The following EPC2 variants were observed in gnomAD, a reference collection of about 807,000 sequenced individuals.
The protein encoded by EPC2 is enhancer of polycomb homolog 2.
EPC2 carries 14 observed loss-of-function variants against 92.1 expected under a neutral mutation model. That is an observed-to-expected ratio of 0.15 (90% CI 0.10 to 0.24). EPC2 has a LOEUF of 0.24. Ranked by LOEUF, EPC2 falls within the 10% of genes least tolerant of loss-of-function variation. EPC2 has a pLI of 1.00. For missense variants in EPC2, 755 were observed against 971.5 expected (o/e 0.78, Z 2.96); for synonymous variants, 340 against 334.7 (o/e 1.02, Z -0.17).
intron 2 of EPC2, among the ~76,000 whole-genome samples, chr2:148,733,457 T>C (rs1682685620): frequency 6.7e-6 from 1 of 148,746 alleles, no homozygotes; most frequent in Non-Finnish European, 1.5e-5. Flanking sequence ...TTATTACCTT[T>C]CTCTTTTCTT....
intron 2 of EPC2, among the ~76,000 whole-genome samples, chr2:148,717,198 T>G (rs1682279097): frequency 6.8e-6 from 1 of 147,140 alleles, no homozygotes; most frequent in Non-Finnish European, 1.5e-5. Flanking sequence ...CATTGATTTT[T>G]TTTTTTTTTT....
intron 2 of EPC2, among the ~76,000 whole-genome samples, chr2:148,738,936 G>A (rs1682821642): frequency 6.6e-6 from 1 of 152,176 alleles, no homozygotes. Flanking sequence ...GAGAGAGCAG[G>A]TCTCCCCCTA....
At chr2:148,756,800 G>GT (rs1464377900) in intron 4 of EPC2, among the ~76,000 whole-genome samples, 4 of 152,208 alleles carry the variant, frequency 2.6e-5, no homozygotes, top group Non-Finnish European at 5.9e-5. Flanking sequence ...CGTAGTGGTT[G>GT]TCAGTTCTAG....
chr2:148,774,621 A>T (rs903792514), intron 10 of EPC2, among the ~76,000 whole-genome samples: 1 of 110,462 alleles, frequency 9.1e-6, no homozygotes, highest in African/African-American at 3.0e-5. Flanking sequence ...AAAAAAATAT[A>T]TTTTATATAT....
At chr2:148,686,110 C>A (rs1335455154) in intron 1 of EPC2, among the ~76,000 whole-genome samples, 1 of 152,184 alleles carries the variant, frequency 6.6e-6, no homozygotes, top group Admixed American at 6.5e-5. Flanking sequence ...ACATTTTACT[C>A]ACAGTAGAAC....
rs150525624 is a variant in EPC2, at chr2:148,753,597, CAG to C, written c.460-327_460-326del. On this transcript the variant is annotated intron_variant, in intron 3 of 13. Coordinates refer to ENST00000258484, the MANE Select transcript of EPC2 (RefSeq NM_015630.4). ...ATAGATCCTCAAATGTGTATAATAT[CAG>C]AGTTTTGAAAGATCTTGGATGTCTT... is the stretch of plus-strand genomic sequence containing the variant. Among the ~76,000 whole-genome samples the C allele has an allele frequency of 7.2e-3, 1,089 of 152,218 alleles. 6 individuals carry two copies. Among genetic ancestry groups the C allele is most frequent in the African/African-American group, 0.025 (1,023 of 41,514 alleles).
intron 1 of EPC2, among the ~76,000 whole-genome samples, chr2:148,669,621 G>A (rs1430644678): frequency 2.0e-5 from 3 of 152,178 alleles, no homozygotes; most frequent in Non-Finnish European, 4.4e-5. Flanking sequence ...GATCGAGGCT[G>A]CAGTGCGCAG....
intron 4 of EPC2, among the ~76,000 whole-genome samples, chr2:148,754,882 A>G (rs1374265880): frequency 6.6e-6 from 1 of 152,218 alleles, no homozygotes; most frequent in Non-Finnish European, 1.5e-5. Context: ...AGGAGTATTC[A>G]CTGTCTTCCA....
intron 10 of EPC2, 44 bp from the exon 11 acceptor site, chr2:148,781,600 T>C (rs1683749856): frequency 1.3e-6 from 2 of 1,569,868 alleles, no homozygotes; most frequent in Non-Finnish European, 1.7e-6. Context: ...TTATTAAAAA[T>C]CTTTTAAAAC....
Position 148,743,607 on chromosome 2 carries a change from T to C in EPC2, c.314-15T>C. 5 of 1,521,656 alleles carry C rather than the reference T, an allele frequency of 3.3e-6. No homozygotes were observed. The highest frequency in any genetic ancestry group is 4.4e-6 in the Non-Finnish European group (5 of 1,140,654). 94.3% of individuals were successfully genotyped at this position (1,521,656 alleles called of 1,614,324 possible). On this transcript the variant is annotated splice_polypyrimidine_tract_variant and intron_variant, in intron 2 of 13. Coordinates refer to ENST00000258484, the MANE Select transcript of EPC2 (RefSeq NM_015630.4). ...AATTTCTCCTGAGTTTGAAGAATTT[T>C]TCTTTCTTTTCTAGCTTTTAATCTA...
At chr2:148,687,546 C>CCAAATTTG (rs1259207925) in intron 1 of EPC2, among the ~76,000 whole-genome samples, 1 of 152,162 alleles carries the variant, frequency 6.6e-6, no homozygotes, top group African/African-American at 2.4e-5. Context: ...TGTTCCTTAG[C>CCAAATTTG]CAAATTTCAT....
intron 2 of EPC2, among the ~76,000 whole-genome samples, chr2:148,711,588 C>G (rs779942614): frequency 6.6e-6 from 1 of 151,938 alleles, no homozygotes; most frequent in Admixed American, 6.6e-5. Context: ...AAATAAATGC[C>G]AATTAGATCA....
At chr2:148,746,763 G>A (rs1012379878) in intron 3 of EPC2, among the ~76,000 whole-genome samples, 3 of 152,100 alleles carry the variant, frequency 2.0e-5, no homozygotes, top group African/African-American at 4.8e-5. Context: ...GTATCTAGGA[G>A]TAAAGAGCCA....
intron 1 of EPC2, among the ~76,000 whole-genome samples, chr2:148,676,569 T>A (rs1433300484): frequency 6.6e-6 from 1 of 152,124 alleles, no homozygotes; most frequent in Non-Finnish European, 1.5e-5. Flanking sequence ...GTATATTCTA[T>A]TCATCTAGGC....
At chr2:148,654,478 T>C (rs968853322) in intron 1 of EPC2, among the ~76,000 whole-genome samples, 1 of 152,106 alleles carries the variant, frequency 6.6e-6, no homozygotes, top group Non-Finnish European at 1.5e-5. Context: ...GGCAACATAG[T>C]ATGGCTTCGT....
Position 148,786,502 on chromosome 2 carries a change from T to C in EPC2, c.*125T>C, listed in dbSNP as rs1171791504. On this transcript the variant is annotated 3_prime_UTR_variant, in exon 14 of 14. Transcript: ENST00000258484. ...TGGACCTAAATGGACTATAGTATAT[T>C]GGATGTTAAATCCATATATGATGTA... 3.0e-6 allele frequency: 2 copies of C among 662,202 alleles called. No homozygotes were observed. Among genetic ancestry groups the C allele is most frequent in the Non-Finnish European group, 5.1e-6 (2 of 390,704 alleles). 41.0% of individuals were successfully genotyped at this position (662,202 alleles called of 1,614,324 possible).
intron 2 of EPC2, among the ~76,000 whole-genome samples, chr2:148,707,342 A>G (rs1179681213): frequency 6.6e-6 from 1 of 152,262 alleles, no homozygotes; most frequent in African/African-American, 2.4e-5. Flanking sequence ...ACCCAGGTTC[A>G]TAAAGCAAGT....
At chr2:148,774,353 G>T (rs369701274) in intron 10 of EPC2, among the ~76,000 whole-genome samples, 2 of 152,126 alleles carry the variant, frequency 1.3e-5, no homozygotes, top group Non-Finnish European at 2.9e-5. Flanking sequence ...TAGGCCGGGC[G>T]TGGTGGCTCA....
At chr2:148,776,846 G>GTCTCTC (rs1553451213) in intron 10 of EPC2, among the ~76,000 whole-genome samples, 4 of 129,274 alleles carry the variant, frequency 3.1e-5, no homozygotes, top group African/African-American at 1.1e-4. Context: ...GCAAGACCCT[G>GTCTCTC]TCTCTCTCTC....
Sources: allele counts gnomAD v4.1 joint callset (sites outside exome capture counted in the v4.1 genomes callset), GRCh38; gene constraint gnomAD v4.1.1; transcripts MANE v1.5; gene names NCBI Gene and HGNC (gene_info 2026-07-23, HGNC 2026-07-21).